The following PLCH2 variants were observed in gnomAD, a reference collection of about 807,000 sequenced individuals.
PLCH2 encodes 1-phosphatidylinositol 4,5-bisphosphate phosphodiesterase eta-2.
Under a neutral mutation model 134.7 loss-of-function variants are expected in PLCH2, and 98 were observed. The observed-to-expected ratio is 0.73, with a 90% confidence interval of 0.62 to 0.86. PLCH2 has a LOEUF of 0.86. Among genes scored for constraint, PLCH2 ranks in the 40% least tolerant of loss-of-function variants. The probability of loss-of-function intolerance (pLI) is 0.00; values close to 1 mark genes in which losing one functional copy is unlikely to be tolerated. For synonymous variants in PLCH2, 974 were observed against 827.5 expected (o/e 1.18, Z -3.04); for missense variants, 1,994 against 1,986.6 (o/e 1.00, Z -0.07).
intron 2 of PLCH2, among the ~76,000 whole-genome samples, chr1:2,442,971 G>C (rs1033399346): frequency 1.3e-5 from 2 of 152,236 alleles, no homozygotes; most frequent in Non-Finnish European, 2.9e-5. Flanking sequence ...AGAGAAGCCT[G>C]GTGGGCAGGG....
chr1:2,456,619 C>T (rs1020792918), intron 2 of PLCH2, among the ~76,000 whole-genome samples: 4 of 152,184 alleles, frequency 2.6e-5, no homozygotes, highest in Non-Finnish European at 5.9e-5. Context: ...GGGGGAGCTG[C>T]TGGAGCTGGT....
At chr1:2,482,820 G>A (rs964588580) in intron 4 of PLCH2, among the ~76,000 whole-genome samples, 4 of 152,300 alleles carry the variant, frequency 2.6e-5, no homozygotes, top group East Asian at 1.9e-4. Context: ...GTGCCGAGCC[G>A]GCCCTGGTTC....
chr1:2,464,442 G>A (rs72644636), upstream of PLCH2, among the ~76,000 whole-genome samples: 1,347 of 152,358 alleles, frequency 8.8e-3, 11 homozygotes, highest in East Asian at 0.036. Flanking sequence ...GGTCCTCAGG[G>A]GTGCCTGGGA....
At chr1:2,421,146 C>T (rs1178581905), upstream of PLCH2, among the ~76,000 whole-genome samples, 4 of 152,056 alleles carry the variant, frequency 2.6e-5, no homozygotes, top group African/African-American at 9.7e-5. Context: ...AATTTCACCA[C>T]GTTGGCCAGG....
intron 2 of PLCH2, among the ~76,000 whole-genome samples, chr1:2,441,762 C>T (rs544379614): frequency 6.6e-6 from 1 of 152,200 alleles, no homozygotes; most frequent in African/African-American, 2.4e-5. Flanking sequence ...CTAGCCTTTC[C>T]TTGGAGGAGA....
chr1:2,477,260 C>T (rs575521763), intron 1 of PLCH2, among the ~76,000 whole-genome samples: 11 of 152,142 alleles, frequency 7.2e-5, no homozygotes, highest in Admixed American at 2.6e-4. Context: ...GGCCTCTGCC[C>T]GCCCCCTGCC....
chr1:2,449,656 G>A (rs1353967065), intron 2 of PLCH2, among the ~76,000 whole-genome samples: 1 of 152,206 alleles, frequency 6.6e-6, no homozygotes, highest in Admixed American at 6.5e-5. Context: ...GGTGTCACTG[G>A]GGTGGAGGAC....
chr1:2,499,011 G>A (rs1484280563), intron 18 of PLCH2, 73 bp from the exon 19 acceptor site: 44 of 1,512,550 alleles, frequency 2.9e-5, no homozygotes, highest in Admixed American at 1.9e-4. Flanking sequence ...GGTGTGGGCC[G>A]GGGGCTCCAG....
chr1:2,486,457 T>C (rs1266814156), intron 5 of PLCH2, among the ~76,000 whole-genome samples: 1 of 152,312 alleles, frequency 6.6e-6, no homozygotes, highest in East Asian at 1.9e-4. Context: ...TGGCCTGGGC[T>C]GGGCCGGACT....
rs940927308 is a variant in PLCH2 at position 2,479,778 on chromosome 1, G to A, written c.316G>A (p.Glu106Lys). The A allele has an allele frequency of 6.4e-7, 1 of 1,561,308 alleles. No homozygotes were observed. The highest frequency in any genetic ancestry group is 8.7e-7 in the Non-Finnish European group (1 of 1,153,048). The change falls in exon 3 of 22, where the codon GAG becomes AAG. Residue 106 changes from glutamate (E) to lysine (K), a missense_variant. By Grantham distance (56) the Glu-to-Lys change is moderately conservative. Transcript: ENST00000378486. ...GGAGGTGAGTGAGGGGCGGCAGTCG[G>A]AGGTCTTCCAGCGCTACCCTGACGG... ...IQEVSEGRQSEVFQRYPDGSF... is the reference protein window; with the variant it reads ...IQEVSEGRQSKVFQRYPDGSF...
chr1:2,492,805 C>T (rs555551327), intron 11 of PLCH2, among the ~76,000 whole-genome samples: 1 of 152,144 alleles, frequency 6.6e-6, no homozygotes, highest in Admixed American at 6.5e-5. Context: ...CTGGGGTAGC[C>T]GGTGTCCCCT....
chr1:2,429,578 C>A (rs1289503096), intron 1 of PLCH2, among the ~76,000 whole-genome samples: 1 of 152,160 alleles, frequency 6.6e-6, no homozygotes, highest in Non-Finnish European at 1.5e-5. Context: ...GAGCCTGGGG[C>A]CCCTTCTTGG....
chr1:2,483,422 C>T (rs1642081689), intron 4 of PLCH2, among the ~76,000 whole-genome samples: 1 of 152,200 alleles, frequency 6.6e-6, no homozygotes, highest in Admixed American at 6.5e-5. Flanking sequence ...GCTGTCAGGG[C>T]TGCCCCTGCC....
rs1642315239 is a variant in PLCH2 at position 2,486,897 on chromosome 1, T to C, written c.817-10T>C. 1 of 1,595,280 alleles carries C rather than the reference T, an allele frequency of 6.3e-7. No individual in the cohort carries two copies. The highest frequency in any genetic ancestry group is 8.5e-7 in the Non-Finnish European group (1 of 1,171,336). ...GGGCTGCCTGGACTCATGCCCCTGC[T>C]CTGGCCTAGATGGCGGGTGTGACCC... On this transcript the variant is annotated splice_polypyrimidine_tract_variant and intron_variant, in intron 5 of 21. Coordinates refer to ENST00000378486, the MANE Select transcript of PLCH2 (RefSeq NM_014638.4).
At chr1:2,486,415 C>A (rs1343595381) in intron 5 of PLCH2, among the ~76,000 whole-genome samples, 1 of 152,190 alleles carries the variant, frequency 6.6e-6, no homozygotes, top group Admixed American at 6.5e-5. Context: ...ACCATAGCGC[C>A]CTGGAGGTCC....
Position 2,498,307 on chromosome 1 carries a change from T to C in PLCH2, c.2225-216T>C. The stretch of plus-strand genomic sequence containing the variant: ...CGGCTCAGCTGTGGGAGGCATGGGC[T>C]CTGTCCCACATGCTGCGGTAGCCAC... On this transcript the variant is annotated intron_variant, in intron 16 of 21. Transcript: ENST00000378486. This position sits in a 1 kb window ranked among gnomAD's most constrained non-coding sequence, Gnocchi z 5.4. 1 of 556,764 alleles carries C rather than the reference T, an allele frequency of 1.8e-6. No homozygotes were observed. Among genetic ancestry groups the C allele is most frequent in the Non-Finnish European group, 3.2e-6 (1 of 314,124 alleles). 34.5% of individuals were successfully genotyped at this position (556,764 alleles called of 1,614,324 possible).
intron 1 of PLCH2, among the ~76,000 whole-genome samples, chr1:2,428,311 A>G (rs1638896383): frequency 6.6e-6 from 1 of 152,174 alleles, no homozygotes; most frequent in Admixed American, 6.5e-5. Context: ...CTCGCTGGGG[A>G]TGGCCCCATG....
chr1:2,452,477 C>G (rs1408483502), intron 2 of PLCH2, among the ~76,000 whole-genome samples: 1 of 152,214 alleles, frequency 6.6e-6, no homozygotes, highest in Non-Finnish European at 1.5e-5. Context: ...GTTCCCTGCC[C>G]CAGCCCCTCT....
intron 1 of PLCH2, among the ~76,000 whole-genome samples, chr1:2,428,557 C>T (rs1320832561): frequency 2.0e-5 from 3 of 152,248 alleles, no homozygotes; most frequent in South Asian, 2.1e-4. Flanking sequence ...TCCGTGGCCT[C>T]GCCTAGGCTT....
Sources: gnomAD v4.1 joint callset for allele counts (sites outside exome capture counted in the v4.1 genomes callset) on GRCh38, gnomAD v4.1.1 for gene constraint, Gnocchi (gnomAD v3.1) non-coding constraint, MANE v1.5 for transcripts, NCBI Gene and HGNC (gene_info 2026-07-23, HGNC 2026-07-21) for gene names.